The following EXOC6 variants were observed in gnomAD, a reference collection of about 807,000 sequenced individuals.
The protein encoded by EXOC6 is exocyst complex component 6, also known as SEC15-like 1.
A neutral mutation model predicts 112.5 loss-of-function variants in EXOC6; 60 were observed. That is an observed-to-expected ratio of 0.53 (90% CI 0.43 to 0.66). The LOEUF is 0.66. Among genes scored for constraint, EXOC6 ranks in the 30% least tolerant of loss-of-function variants. The pLI is 0.00. For synonymous variants in EXOC6, 295 were observed against 308.0 expected (o/e 0.96, Z 0.44); for missense variants, 855 against 957.1 (o/e 0.89, Z 1.41).
chr10:93,023,316 G>T (rs1844873027), intron 20 of EXOC6, among the ~76,000 whole-genome samples: 1 of 152,152 alleles, frequency 6.6e-6, no homozygotes, highest in African/African-American at 2.4e-5. Context: ...AAAGCTGAAG[G>T]CAAGAGAATT....
chr10:92,910,897 C>G (rs1850712877), intron 6 of EXOC6, among the ~76,000 whole-genome samples: 1 of 58,454 alleles, frequency 1.7e-5, no homozygotes, highest in South Asian at 7.8e-4. Context: ...CCACTGCACT[C>G]CAGCCTGGGT....
chr10:92,936,867 G>C (rs1287815285), intron 12 of EXOC6, among the ~76,000 whole-genome samples: 1 of 151,892 alleles, frequency 6.6e-6, no homozygotes, highest in Non-Finnish European at 1.5e-5. Context: ...TATAACCTCT[G>C]CGATATTGGG....
chr10:92,929,322 C>A (rs749847332), intron 9 of EXOC6, among the ~76,000 whole-genome samples: 1 of 152,204 alleles, frequency 6.6e-6, no homozygotes, highest in Non-Finnish European at 1.5e-5. Flanking sequence ...CTTGTGTTTG[C>A]AACCCAAATT....
At chr10:92,974,013 A>T in intron 17 of EXOC6, 40 bp from the exon 18 acceptor site, 2 of 1,441,594 alleles carry the variant, frequency 1.4e-6, no homozygotes, top group Non-Finnish European at 1.9e-6. Context: ...TTGTTTTATT[A>T]TCTGTTTCTT....
intron 1 of EXOC6, among the ~76,000 whole-genome samples, chr10:92,887,023 A>G (rs973601244): frequency 6.6e-6 from 1 of 152,182 alleles, no homozygotes; most frequent in Non-Finnish European, 1.5e-5. Context: ...TGGCCGGTTA[A>G]GTCACTGTGG....
At chr10:92,986,202 A>G (rs934510561) in intron 18 of EXOC6, among the ~76,000 whole-genome samples, 1 of 152,182 alleles carries the variant, frequency 6.6e-6, no homozygotes, top group South Asian at 2.1e-4. Flanking sequence ...ACTAAATTTT[A>G]TCTGAATTTC....
intron 13 of EXOC6, among the ~76,000 whole-genome samples, chr10:92,947,112 G>A (rs756326425): frequency 1.3e-5 from 2 of 152,178 alleles, no homozygotes; most frequent in Non-Finnish European, 2.9e-5. Context: ...GGAAATCAAT[G>A]ATTGGATGAC....
chr10:92,942,045 C>T (rs749171586), intron 13 of EXOC6, among the ~76,000 whole-genome samples: 93 of 152,266 alleles, frequency 6.1e-4, no homozygotes, highest in Non-Finnish European at 1.2e-3. Context: ...CAGCTTAGCA[C>T]TTATCCCATC....
chr10:92,915,729 T>C (rs1457910701), intron 6 of EXOC6, 29 bp from the exon 7 acceptor site: 1 of 1,470,124 alleles, frequency 6.8e-7, no homozygotes, highest in Non-Finnish European at 9.0e-7. Flanking sequence ...AGTTTTGAAA[T>C]AATCTGAATT....
At chr10:92,931,926 C>T (rs559981943) in intron 9 of EXOC6, among the ~76,000 whole-genome samples, 6 of 152,174 alleles carry the variant, frequency 3.9e-5, no homozygotes, top group Admixed American at 6.5e-5. Context: ...AGCAGTCCTG[C>T]TCCTAGGTAT....
intron 20 of EXOC6, among the ~76,000 whole-genome samples, chr10:93,031,280 T>C (rs1319186074): frequency 6.6e-6 from 1 of 152,170 alleles, no homozygotes; most frequent in Non-Finnish European, 1.5e-5. Context: ...TTTGTTACCC[T>C]GCACATGAAT....
At chr10:93,031,653 C>T (rs1043810576) in intron 20 of EXOC6, among the ~76,000 whole-genome samples, 2 of 151,864 alleles carry the variant, frequency 1.3e-5, no homozygotes, top group East Asian at 3.9e-4. Flanking sequence ...GCTGGGATTA[C>T]AGGCACATGC....
At chr10:93,050,479 G>A (rs888343371) in intron 20 of EXOC6, among the ~76,000 whole-genome samples, 3 of 151,764 alleles carry the variant, frequency 2.0e-5, no homozygotes, top group Middle Eastern at 6.9e-3. Flanking sequence ...TGAACCTGAG[G>A]CCAGGTGCGG....
intron 13 of EXOC6, among the ~76,000 whole-genome samples, chr10:92,945,411 TG>T (rs1321066769): frequency 2.0e-5 from 3 of 152,208 alleles, no homozygotes; most frequent in Non-Finnish European, 4.4e-5. Flanking sequence ...TTGTTGCCTG[TG>T]CTTTTGGGGT....
intron 5 of EXOC6, among the ~76,000 whole-genome samples, chr10:92,904,058 T>A (rs1385147526): frequency 6.6e-6 from 1 of 152,062 alleles, no homozygotes; most frequent in Non-Finnish European, 1.5e-5. Context: ...ATACAGTATA[T>A]ATATAATATG....
chr10:92,965,479 A>G (rs1413276922), intron 17 of EXOC6, among the ~76,000 whole-genome samples: 3 of 152,188 alleles, frequency 2.0e-5, no homozygotes, highest in Non-Finnish European at 4.4e-5. Context: ...CATTTTATTT[A>G]AGAGTTAGCT....
intron 5 of EXOC6, among the ~76,000 whole-genome samples, chr10:92,903,560 G>A (rs776812769): frequency 2.0e-5 from 3 of 151,802 alleles, no homozygotes; most frequent in East Asian, 1.9e-4. Flanking sequence ...TGTCATAAGT[G>A]CCTTTTTGTT....
intron 4 of EXOC6, among the ~76,000 whole-genome samples, chr10:92,897,696 T>A (rs950513552): frequency 6.6e-6 from 1 of 152,142 alleles, no homozygotes; most frequent in Non-Finnish European, 1.5e-5. Flanking sequence ...TGCCCTTTTA[T>A]TTGTATAAAA....
At position 92,920,059 on chromosome 10, in the gene EXOC6, GT is replaced by G; in HGVS notation, c.888+13del. 6.4e-7 allele frequency: 1 copy of G among 1,555,078 alleles called. No individual in the cohort carries two copies. The highest frequency in any genetic ancestry group is 8.8e-7 in the Non-Finnish European group (1 of 1,137,296). On this transcript the variant is annotated intron_variant, in intron 8 of 21. Coordinates refer to ENST00000260762, the MANE Select transcript of EXOC6 (RefSeq NM_019053.6). The stretch of plus-strand genomic sequence containing the variant: ...ACATTTATTCTGTTTTGGTAAGTAT[GT>G]TTTATATTTATGTATATATAGCTTT...
Sources: gnomAD v4.1 joint callset for allele counts (sites outside exome capture counted in the v4.1 genomes callset) on GRCh38, gnomAD v4.1.1 for gene constraint, MANE v1.5 for transcripts, NCBI Gene and HGNC (gene_info 2026-07-23, HGNC 2026-07-21) for gene names.